Variants in MS4A4A observed in about 807,000 individuals in gnomAD.
MS4A4A encodes the protein membrane spanning 4-domains A4A.
A neutral mutation model predicts 28.0 loss-of-function variants in MS4A4A; 26 were observed. The observed-to-expected ratio is 0.93, with a 90% confidence interval of 0.68 to 1.29. MS4A4A has a LOEUF of 1.29. Among genes scored for constraint, MS4A4A ranks in the 50% most tolerant of loss-of-function variants. The probability of loss-of-function intolerance (pLI) is 0.00; values close to 1 mark genes in which losing one functional copy is unlikely to be tolerated. For synonymous variants in MS4A4A, 86 were observed against 100.8 expected, an observed-to-expected ratio of 0.85 and a Z score of 0.88; for missense variants, 290 against 293.1, an observed-to-expected ratio of 0.99 and a Z score of 0.08.
chr11:60,289,142 A>G (rs931521021), intron 1 of MS4A4A, among the ~76,000 whole-genome samples: 4 of 152,184 alleles, frequency 2.6e-5, no homozygotes, highest in South Asian at 2.1e-4. Flanking sequence ...AGCAGAATGC[A>G]CTGTAGCAGT....
chr11:60,301,633 A>C (rs1021152258), intron 4 of MS4A4A, among the ~76,000 whole-genome samples: 1 of 152,238 alleles, frequency 6.6e-6, no homozygotes, highest in Non-Finnish European at 1.5e-5. Flanking sequence ...GATAAATATC[A>C]AATTCTGGAG....
intron 1 of MS4A4A, among the ~76,000 whole-genome samples, chr11:60,282,058 A>G (rs1188980810): frequency 6.6e-6 from 1 of 152,194 alleles, no homozygotes. Flanking sequence ...AGTTATATGA[A>G]TTTATGGCCA....
chr11:60,303,459 G>A (rs889067579), intron 5 of MS4A4A, among the ~76,000 whole-genome samples: 4 of 152,310 alleles, frequency 2.6e-5, no homozygotes, highest in Non-Finnish European at 5.9e-5. Flanking sequence ...TGTAATCCCA[G>A]CACTTTGGGA....
In MS4A4A at chr11:60,301,052, G is replaced by A. The variant is rs547479495; in HGVS notation, c.382G>A (p.Gly128Ser). 3.8e-6 allele frequency: 6 copies of A among 1,592,988 alleles called. No homozygotes were observed. Among genetic ancestry groups the A allele is most frequent in the South Asian group, 3.4e-5 (3 of 87,150 alleles). ...SIAAGIRTTKGLVRGSLGMNI... is the reference protein window; with the variant it reads ...SIAAGIRTTKSLVRGSLGMNI... Reference sequence around the variant, plus strand: ...TGCAGCAGGAATTAGAACTACAAAAGGCCTGGTGAGTAATATTTTCTTTTT... The same window carrying A: ...TGCAGCAGGAATTAGAACTACAAAAAGCCTGGTGAGTAATATTTTCTTTTT... The change falls in exon 4 of 7, where the codon GGC (glycine) becomes AGC (serine). Residue 128 changes from glycine (G) to serine (S), a missense_variant. Physicochemically the swap from Gly to Ser is moderately conservative, Grantham distance 56. Coordinates refer to ENST00000337908, the MANE Select transcript of MS4A4A (RefSeq NM_148975.3).
Position 60,306,102 on chromosome 11 carries a change from T to C in MS4A4A, c.549T>C (p.Gly183=), listed in dbSNP as rs1251496766. The C allele has an allele frequency of 2.5e-6, 4 of 1,609,342 alleles. No homozygotes were observed. Among genetic ancestry groups the C allele is most frequent in the Non-Finnish European group, 2.6e-6 (3 of 1,176,108 alleles). Residue 183 remains glycine (G), a splice_region_variant and synonymous_variant, in exon 6 of 7, where the codon GGT becomes GGC. Coordinates refer to ENST00000337908, the MANE Select transcript of MS4A4A (RefSeq NM_148975.3). ...CTTTGTTATGAGTTTTCTCCTAGGG[T>C]CTGGATGGCATGGTGCTCCTCCTAA... ...NCHGTMSILM[G]LDGMVLLLSV...
chr11:60,288,556 G>A (rs1590751861), intron 1 of MS4A4A, among the ~76,000 whole-genome samples: 1 of 152,126 alleles, frequency 6.6e-6, no homozygotes, highest in South Asian at 2.1e-4. Flanking sequence ...CTGGAGGCTT[G>A]AGCTCTGGGG....
chr11:60,281,558 T>TA (rs2084755693), intron 1 of MS4A4A, among the ~76,000 whole-genome samples: 1 of 152,178 alleles, frequency 6.6e-6, no homozygotes. Context: ...ATCATCCTTC[T>TA]AAAACCATCC....
intron 4 of MS4A4A, 138 bp from the exon 5 acceptor site, chr11:60,302,421 A>G (rs752254789): frequency 2.3e-6 from 2 of 874,712 alleles, no homozygotes; most frequent in Non-Finnish European, 1.7e-6. Flanking sequence ...TGAAACCACA[A>G]GACAAGTTAG....
intron 3 of MS4A4A, among the ~76,000 whole-genome samples, chr11:60,299,683 G>A (rs1407243486): frequency 2.0e-5 from 3 of 151,620 alleles, no homozygotes; most frequent in African/African-American, 7.3e-5. Context: ...CTGTGGTCTC[G>A]ATCTCCTGGT....
intron 3 of MS4A4A, among the ~76,000 whole-genome samples, chr11:60,297,747 C>T (rs529262675): frequency 6.6e-6 from 1 of 152,284 alleles, no homozygotes; most frequent in East Asian, 1.9e-4. Flanking sequence ...ATTTCATATA[C>T]ATATTCCCAA....
rs538447687 is a variant in MS4A4A at position 60,297,120 on chromosome 11, T to C, written c.202-77T>C. 441 of 1,538,910 alleles carry C rather than the reference T, an allele frequency of 2.9e-4. No homozygotes were observed. The African/African-American group carries it at 5.2e-3, about 18-fold the overall frequency. On this transcript the variant is annotated intron_variant, in intron 2 of 6. Transcript: ENST00000337908. ...CAAATGAAGGAGAATAAGGATAGCTTAGTGATTGGAAAGGGGGTGGCGGAA... is the reference window on the plus strand; with the variant it reads ...CAAATGAAGGAGAATAAGGATAGCTCAGTGATTGGAAAGGGGGTGGCGGAA...
chr11:60,307,172 A>T (rs1300443064), intron 6 of MS4A4A, among the ~76,000 whole-genome samples: 1 of 152,220 alleles, frequency 6.6e-6, no homozygotes, highest in Non-Finnish European at 1.5e-5. Context: ...GCCAAATAAT[A>T]AAATAATCAT....
chr11:60,299,908 T>C (rs1034630571), intron 3 of MS4A4A, among the ~76,000 whole-genome samples: 1 of 152,242 alleles, frequency 6.6e-6, no homozygotes, highest in Non-Finnish European at 1.5e-5. Context: ...AATTAGAATA[T>C]TTCAATATTA....
Position 60,302,605 on chromosome 11 carries a change from C to T in MS4A4A, c.434C>T (p.Ala145Val). ...AATATCACCAGCTCTGTACTGGCTGCATCAGGGATCTTAATCAACACATTT... is the reference window on the plus strand; with the variant it reads ...AATATCACCAGCTCTGTACTGGCTGTATCAGGGATCTTAATCAACACATTT... ...GMNITSSVLA[A>V]SGILINTFSL... Residue 145 changes from alanine (A) to valine (V), a missense_variant, in exon 5 of 7, where the codon GCA (alanine) becomes GTA (valine). Physicochemically the swap from Ala to Val is moderately conservative, Grantham distance 64. Transcript: ENST00000337908. The T allele has an allele frequency of 6.2e-7, 1 of 1,614,166 alleles. No individual in the cohort carries two copies. The highest frequency in any genetic ancestry group is 1.1e-5 in the South Asian group (1 of 91,086).
intron 1 of MS4A4A, 65 bp downstream of exon 1, chr11:60,280,781 G>A: frequency 6.3e-7 from 1 of 1,581,616 alleles, no homozygotes. Context: ...CCTGGGTTAA[G>A]AATTTCTGGG....
At chr11:60,300,615 CAAA>C (rs760648433) in intron 3 of MS4A4A, among the ~76,000 whole-genome samples, 4 of 36,036 alleles carry the variant, frequency 1.1e-4, no homozygotes, top group African/African-American at 2.1e-4. Context: ...GACTCCGTCT[CAAA>C]AAAAAAAAAA....
In MS4A4A at chr11:60,302,706, T is replaced by C. The variant is rs1241806442; in HGVS notation, c.535T>C (p.Ser179Pro). ...GNSNNCHGTM[S>P]ILMGLDGMVL... ...CTCAAATAATTGTCATGGGACTATG[T>C]CCATCTTAATGGTTGGTACTGCCTC... is the stretch of plus-strand genomic sequence containing the variant. The change falls in exon 5 of 7, where the codon TCC becomes CCC. Residue 179 changes from serine to proline, a missense_variant. Transcript: ENST00000337908. The C allele has an allele frequency of 6.2e-7, 1 of 1,613,538 alleles. No homozygotes were observed. The highest frequency in any genetic ancestry group is 1.3e-5 in the African/African-American group (1 of 74,920).
intron 5 of MS4A4A, among the ~76,000 whole-genome samples, chr11:60,303,851 AC>A (rs1264852467): frequency 6.6e-6 from 1 of 152,084 alleles, no homozygotes; most frequent in African/African-American, 2.4e-5. Flanking sequence ...TGGAAACCCA[AC>A]ATTCTTCCTA....
chr11:60,293,242 GA>G (rs201203981), intron 2 of MS4A4A, among the ~76,000 whole-genome samples: 181 of 152,240 alleles, frequency 1.2e-3, no homozygotes, highest in African/African-American at 3.9e-3. Flanking sequence ...ATTTTTAGTA[GA>G]GACGGGGTTT....
Sources: gnomAD v4.1 joint callset for allele counts (sites outside exome capture counted in the v4.1 genomes callset) on GRCh38, gnomAD v4.1.1 for gene constraint, MANE v1.5 for transcripts, NCBI Gene and HGNC (gene_info 2026-07-23, HGNC 2026-07-21) for gene names.